Variants in SYT10 observed in about 807,000 individuals in gnomAD.
SYT10 encodes the protein synaptotagmin-10.
Under a neutral mutation model 51.1 loss-of-function variants are expected in SYT10, and 31 were observed. The observed-to-expected ratio is 0.61, with a 90% CI of 0.46 to 0.82. The LOEUF is 0.82. Among genes scored for constraint, SYT10 ranks in the 40% least tolerant of loss-of-function variants. The pLI is 0.00. For missense variants in SYT10, 603 were observed against 634.0 expected, an observed-to-expected ratio of 0.95 and a Z score of 0.53; for synonymous variants, 233 against 225.9, an observed-to-expected ratio of 1.03 and a Z score of -0.28.
chr12:33,381,216 C>T (rs1866112058), intron 5 of SYT10, among the ~76,000 whole-genome samples: 1 of 152,196 alleles, frequency 6.6e-6, no homozygotes, highest in Admixed American at 6.5e-5. Flanking sequence ...AAATAGTAGT[C>T]ACAAGTTAAA....
chr12:33,408,957 C>T (rs948680300), intron 2 of SYT10, among the ~76,000 whole-genome samples: 2 of 152,040 alleles, frequency 1.3e-5, no homozygotes, highest in Admixed American at 6.6e-5. Flanking sequence ...TTGTTCATTC[C>T]ACTCCTTTTC....
At chr12:33,412,275 AAGTC>A (rs1376474474) in intron 2 of SYT10, among the ~76,000 whole-genome samples, 1 of 152,172 alleles carries the variant, frequency 6.6e-6, no homozygotes, top group African/African-American at 2.4e-5. Flanking sequence ...TTGTTCTAGT[AAGTC>A]AGTGTCCTAA....
intron 2 of SYT10, chr12:33,408,060 A>C (rs1185624979): frequency 1.3e-5 from 2 of 152,236 alleles, no homozygotes; most frequent in Non-Finnish European, 2.9e-5. Context: ...GTCTATCTAG[A>C]TGTAAGTATT....
chr12:33,425,187 GT>G, intron 2 of SYT10, among the ~76,000 whole-genome samples: 1 of 152,036 alleles, frequency 6.6e-6, no homozygotes, highest in East Asian at 1.9e-4. Context: ...TGCGTCTTCG[GT>G]TTAGAGAGAT....
At chr12:33,431,991 A>G (rs902613087) in intron 1 of SYT10, among the ~76,000 whole-genome samples, 1 of 152,166 alleles carries the variant, frequency 6.6e-6, no homozygotes, top group African/African-American at 2.4e-5. Context: ...TGTGTGGAAA[A>G]ACAAGGACAT....
At position 33,439,748 on chromosome 12, in the gene SYT10, C is replaced by G; in HGVS notation, c.-226G>C. 1.9e-6 allele frequency: 1 copy of G among 530,540 alleles called. No individual in the cohort carries two copies. Among genetic ancestry groups the G allele is most frequent in the Non-Finnish European group, 3.3e-6 (1 of 306,288 alleles). 32.9% of individuals were successfully genotyped at this position (530,540 alleles called of 1,614,324 possible). ...GCGCGCGAGGAGGCTGCGGCTGCCGCGAGGTTTGCGCCAACTCTCCCGCCG... is the reference window on the plus strand; with the variant it reads ...GCGCGCGAGGAGGCTGCGGCTGCCGGGAGGTTTGCGCCAACTCTCCCGCCG... On this transcript the variant is annotated 5_prime_UTR_variant, in exon 1 of 7. Transcript: ENST00000228567.
intron 3 of SYT10, among the ~76,000 whole-genome samples, chr12:33,400,643 TA>T (rs928314239): frequency 1.9e-4 from 29 of 151,254 alleles, no homozygotes; most frequent in Middle Eastern, 3.4e-3. Context: ...GTAGTTATGT[TA>T]AAAAAAAAGG....
Position 33,406,942 on chromosome 12 carries a change from T to C in SYT10, c.924A>G (p.Gln308=). 3.7e-6 allele frequency: 6 copies of C among 1,614,144 alleles called. No individual in the cohort carries two copies. Among genetic ancestry groups the C allele is most frequent in the Non-Finnish European group, 2.5e-6 (3 of 1,180,028 alleles). The stretch of plus-strand genomic sequence containing the variant: ...TGAAATGTAGTTTTCGGTTGCTTAG[T>C]TGATCATATGCTACAGGAAATTGAA... ...ETFQFPVAYD[Q]LSNRKLHFSV... is the part of the protein sequence containing the mutation. Residue 308 remains glutamine (Q), a synonymous_variant, in exon 3 of 7, where the codon CAA becomes CAG. Transcript: ENST00000228567.
intron 2 of SYT10, among the ~76,000 whole-genome samples, chr12:33,418,113 C>T (rs1448994113): frequency 6.6e-6 from 1 of 152,160 alleles, no homozygotes; most frequent in Admixed American, 6.5e-5. Flanking sequence ...GTACCACAAT[C>T]GCTCTTGAAA....
intron 3 of SYT10, among the ~76,000 whole-genome samples, chr12:33,399,881 G>T (rs540536896): frequency 6.6e-6 from 1 of 152,294 alleles, no homozygotes; most frequent in South Asian, 2.1e-4. Flanking sequence ...ATCAGTTACT[G>T]GTGGCCCATA....
chr12:33,377,569 T>A (rs1866073778), intron 6 of SYT10, among the ~76,000 whole-genome samples: 1 of 152,110 alleles, frequency 6.6e-6, no homozygotes. Flanking sequence ...TTACAAAGTT[T>A]AATTACAACA....
chr12:33,415,970 T>C (rs1866449710), intron 2 of SYT10, among the ~76,000 whole-genome samples: 2 of 152,232 alleles, frequency 1.3e-5, no homozygotes, highest in Admixed American at 1.3e-4. Context: ...CATCATTTCG[T>C]ATGTGTTCCT....
Position 33,379,854 on chromosome 12 carries a change from G to T in SYT10, c.1478C>A (p.Thr493Lys). 2.5e-6 allele frequency: 4 copies of T among 1,613,858 alleles called. No homozygotes were observed. Among genetic ancestry groups the T allele is most frequent in the Non-Finnish European group, 3.4e-6 (4 of 1,179,868 alleles). The change falls in exon 6 of 7, where the codon ACG (threonine) becomes AAG (lysine). Residue 493 changes from threonine to lysine, a missense_variant. Physicochemically the swap from Thr to Lys is moderately conservative, Grantham distance 78. Transcript: ENST00000228567. ...EMLAYHRKPI[T>K]HWHPLLELPG... ...TACCTCCAGCAATGGGTGCCAGTGCGTTATTGGTTTTCGATGATAGGCCAG... is the reference window on the plus strand; with the variant it reads ...TACCTCCAGCAATGGGTGCCAGTGCTTTATTGGTTTTCGATGATAGGCCAG...
intron 1 of SYT10, among the ~76,000 whole-genome samples, chr12:33,431,437 A>C (rs1049057063): frequency 2.0e-5 from 3 of 152,188 alleles, no homozygotes; most frequent in Admixed American, 2.0e-4. Context: ...ATCATCAATC[A>C]ACAACAATCC....
In SYT10 at chr12:33,426,378, G is replaced by A; in HGVS notation, c.269C>T (p.Thr90Ile). The change falls in exon 2 of 7, where the codon ACT becomes ATT. Residue 90 changes from threonine (T) to isoleucine (I), a missense_variant. Coordinates refer to ENST00000228567, the MANE Select transcript of SYT10 (RefSeq NM_198992.4). ...CTGTGGAAGCGTAGTGATGTTGGAA[G>A]TCACAGGTTTGCTTTTCCAGCATGG... ...CWPCWKSKPV[T>I]SNITTLPQSI... 1 of 1,614,120 alleles carries A rather than the reference G, an allele frequency of 6.2e-7. No homozygotes were observed. Among genetic ancestry groups the A allele is most frequent in the Non-Finnish European group, 8.5e-7 (1 of 1,180,008 alleles).
chr12:33,382,363 G>C lies in SYT10; in HGVS notation c.1356C>G (p.Val452=). 6.2e-7 allele frequency: 1 copy of C among 1,604,900 alleles called. No individual in the cohort carries two copies. The highest frequency in any genetic ancestry group is 1.1e-5 in the South Asian group (1 of 89,586). Residue 452 remains valine, a synonymous_variant, in exon 5 of 7, where the codon GTC becomes GTG. Coordinates refer to ENST00000228567, the MANE Select transcript of SYT10 (RefSeq NM_198992.4). ...NVDQVSLSIA[V]MDYDRVGHNE... ...GATACACATACCTATCGTAATCCAT[G>C]ACCGCAATGGAGAGGCTGACCTGGT...
In SYT10 at chr12:33,407,007, C is replaced by A. The variant is rs769167593; in HGVS notation, c.859G>T (p.Val287Leu). The stretch of plus-strand genomic sequence containing the variant: ...AGAGGATTTAAAGTCTTTCTGTGCA[C>A]GCGGGTCTGAAATTTCTTTTTCCTA... ...PDRKKKFQTRVHRKTLNPLFD... is the reference protein window; with the variant it reads ...PDRKKKFQTRLHRKTLNPLFD... The change falls in exon 3 of 7, where the codon GTG becomes TTG. Residue 287 changes from valine to leucine, a missense_variant. Transcript: ENST00000228567. 7 of 1,614,064 alleles carry A rather than the reference C, an allele frequency of 4.3e-6. No homozygotes were observed. The highest frequency in any genetic ancestry group is 5.9e-6 in the Non-Finnish European group (7 of 1,180,016).
Position 33,374,937 on chromosome 12 carries a change from A to C in SYT10, c.*1893T>G, listed in dbSNP as rs1866050296. ...CTTTAAGCTGCAGTTATATCTACTA[A>C]TAAAACAACTGTCTCCAAAAATGTC... On this transcript the variant is annotated 3_prime_UTR_variant, in exon 7 of 7. Coordinates refer to ENST00000228567, the MANE Select transcript of SYT10 (RefSeq NM_198992.4). The C allele has an allele frequency of 1.3e-5, 2 of 152,044 alleles. No homozygotes were observed. The highest frequency in any genetic ancestry group is 4.8e-5 in the African/African-American group (2 of 41,450). The allele number at this position is 152,044 out of a possible 1,614,324, so 9.4% of individuals were successfully genotyped here.
chr12:33,398,480 T>A (rs558493604), intron 3 of SYT10, among the ~76,000 whole-genome samples: 190 of 152,190 alleles, frequency 1.2e-3, no homozygotes, highest in African/African-American at 4.4e-3. Flanking sequence ...GCCACTGCAC[T>A]CCAGCTTGGG....
Sources: allele counts gnomAD v4.1 joint callset (sites outside exome capture counted in the v4.1 genomes callset), GRCh38; gene constraint gnomAD v4.1.1; transcripts MANE v1.5; gene names NCBI Gene and HGNC (gene_info 2026-07-23, HGNC 2026-07-21).